UGT1A8: variants seen among roughly 807,000 people sequenced by gnomAD.
The protein encoded by UGT1A8 is UDP-glucuronosyltransferase 1A8.
A neutral mutation model predicts 45.3 loss-of-function variants in UGT1A8; 39 were observed. The observed-to-expected ratio is 0.86, with a 90% confidence interval of 0.67 to 1.12. UGT1A8 has a LOEUF of 1.12. UGT1A8 is among the 50% of genes most tolerant of loss of function. The probability of loss-of-function intolerance (pLI) is 0.00; values close to 1 mark genes in which losing one functional copy is unlikely to be tolerated. For synonymous variants in UGT1A8, 275 were observed against 249.2 expected, an observed-to-expected ratio of 1.10 and a Z score of -0.97; for missense variants, 719 against 664.9, an observed-to-expected ratio of 1.08 and a Z score of -0.90.
intron 1 of UGT1A8, among the ~76,000 whole-genome samples, chr2:233,702,065 TG>T (rs1411404242): frequency 6.6e-6 from 1 of 152,236 alleles, no homozygotes; most frequent in Non-Finnish European, 1.5e-5. Context: ...CTAATTTTAA[TG>T]GTTTTTGGTA....
At chr2:233,764,280 C>T (rs917844974) in intron 1 of UGT1A8, among the ~76,000 whole-genome samples, 5 of 151,996 alleles carry the variant, frequency 3.3e-5, no homozygotes, top group African/African-American at 1.2e-4. Flanking sequence ...TTGGTCATTC[C>T]GGTAACTGTG....
intron 1 of UGT1A8, among the ~76,000 whole-genome samples, chr2:233,752,746 AAAACAAAC>A (rs200752387): frequency 7.9e-5 from 12 of 152,308 alleles, no homozygotes; most frequent in East Asian, 1.9e-4. Context: ...CCCTGTCTCT[AAAACAAAC>A]AAACAAACAA....
intron 1 of UGT1A8, among the ~76,000 whole-genome samples, chr2:233,732,641 C>A (rs1039545438): frequency 3.9e-5 from 6 of 152,094 alleles, no homozygotes; most frequent in African/African-American, 1.4e-4. Context: ...TTTCTGAGAC[C>A]ACTGTTCTGC....
chr2:233,636,244 A>T (rs1274026308), intron 1 of UGT1A8, among the ~76,000 whole-genome samples: 1 of 141,632 alleles, frequency 7.1e-6, no homozygotes. Flanking sequence ...TTGCTGAATA[A>T]TTCTGTTTCT....
At chr2:233,643,955 C>T (rs961910605) in intron 1 of UGT1A8, among the ~76,000 whole-genome samples, 6 of 152,266 alleles carry the variant, frequency 3.9e-5, no homozygotes, top group Admixed American at 3.9e-4. Flanking sequence ...TTTTCCCTCT[C>T]CTCTCCTCAA....
intron 1 of UGT1A8, among the ~76,000 whole-genome samples, chr2:233,632,591 G>A (rs2073210477): frequency 6.6e-6 from 1 of 152,026 alleles, no homozygotes; most frequent in Non-Finnish European, 1.5e-5. Context: ...TATTCTTTTT[G>A]TAGCAATTGT....
chr2:233,724,822 C>G (rs372493213), intron 1 of UGT1A8, among the ~76,000 whole-genome samples: 1 of 136,056 alleles, frequency 7.3e-6, no homozygotes, highest in Admixed American at 7.2e-5. Context: ...GCTGCAATCT[C>G]GGCACTTTGG....
At chr2:233,746,881 A>T (rs1422259027) in intron 1 of UGT1A8, among the ~76,000 whole-genome samples, 1 of 151,740 alleles carries the variant, frequency 6.6e-6, no homozygotes, top group Non-Finnish European at 1.5e-5. Context: ...TGGTTAACAG[A>T]GAAGTAGGAG....
At chr2:233,648,327 G>T (rs563241784) in intron 1 of UGT1A8, 7 of 507,516 alleles carry the variant, frequency 1.4e-5, no homozygotes, top group Middle Eastern at 6.4e-4. Flanking sequence ...CCCTCCTCTC[G>T]GTGGTCTTCG....
At position 233,641,893 on chromosome 2, in the gene UGT1A8, T is replaced by C. The variant is rs540879180; in HGVS notation, c.855+23331T>C. ...GCTGCCAGATGTATTGGAACTCCAT[T>C]GTTTGTTATTTATCTCTTCTCTTGC... On this transcript the variant is annotated intron_variant, in intron 1 of 4. Transcript: ENST00000373450. 4.9e-4 allele frequency among the ~76,000 whole-genome samples: 74 copies of C among 152,188 alleles called. 1 individual carries two copies. The highest frequency in any genetic ancestry group is 3.4e-3 in the Middle Eastern group (1 of 294).
intron 1 of UGT1A8, among the ~76,000 whole-genome samples, chr2:233,622,574 G>T (rs925409147): frequency 1.3e-5 from 2 of 151,922 alleles, no homozygotes; most frequent in Non-Finnish European, 2.9e-5. Flanking sequence ...TTTTGATGGG[G>T]TTGTTTTATT....
intron 1 of UGT1A8, among the ~76,000 whole-genome samples, chr2:233,739,207 A>C (rs1231996785): frequency 6.6e-6 from 1 of 152,240 alleles, no homozygotes; most frequent in African/African-American, 2.4e-5. Context: ...CGTTTGCTGC[A>C]TGGATAGAGT....
At chr2:233,666,697 G>A (rs1173740334) in intron 1 of UGT1A8, among the ~76,000 whole-genome samples, 4 of 151,628 alleles carry the variant, frequency 2.6e-5, no homozygotes, top group Non-Finnish European at 5.9e-5. Context: ...TGTGCACAAT[G>A]TGCAGGTTAG....
rs371244037 is a variant in UGT1A8, at chr2:233,706,612, A to G, written c.856-60422A>G. 1.1e-4 allele frequency among the ~76,000 whole-genome samples: 16 copies of G among 152,262 alleles called. No individual in the cohort carries two copies. The East Asian group carries it at 3.1e-3, about 29-fold the overall frequency. Reference sequence around the variant, plus strand: ...GTGGACCTAAGTATGTGATAAGAAGACTAGAGAAATGAGTGTTTCTACTGT... The same window carrying G: ...GTGGACCTAAGTATGTGATAAGAAGGCTAGAGAAATGAGTGTTTCTACTGT... On this transcript the variant is annotated intron_variant, in intron 1 of 4. Transcript: ENST00000373450.
chr2:233,627,804 T>C (rs1559314115), intron 1 of UGT1A8, among the ~76,000 whole-genome samples: 1 of 152,020 alleles, frequency 6.6e-6, no homozygotes, highest in Non-Finnish European at 1.5e-5. Context: ...GGTTATGTCA[T>C]GATTTCTTTT....
chr2:233,748,097 C>T (rs1693865364), intron 1 of UGT1A8: 9 of 1,612,658 alleles, frequency 5.6e-6, no homozygotes, highest in Admixed American at 1.7e-5. Flanking sequence ...TTCGTGCCTT[C>T]ATCCAATCAA....
chr2:233,760,473 T>TGAC, intron 1 of UGT1A8: 1 of 1,614,230 alleles, frequency 6.2e-7, no homozygotes, highest in Non-Finnish European at 8.5e-7. Context: ...TCCTAGCACC[T>TGAC]GACGCCTCGT....
chr2:233,713,920 T>C (rs1335071739), intron 1 of UGT1A8: 4 of 1,612,180 alleles, frequency 2.5e-6, no homozygotes. Context: ...AAAAATGTAT[T>C]TACTTACAAG....
chr2:233,772,682 G>A lies in UGT1A8; in HGVS notation c.*123G>A, dbSNP rs1700541485. The A allele has an allele frequency of 6.7e-7, 1 of 1,494,640 alleles. No individual in the cohort carries two copies. The allele number at this position is 1,494,640 out of a possible 1,614,324, so 92.6% of individuals were successfully genotyped here. On this transcript the variant is annotated 3_prime_UTR_variant, in exon 5 of 5. Coordinates refer to ENST00000373450, the MANE Select transcript of UGT1A8 (RefSeq NM_019076.5). ...GGAAATACTTTGCATAAATTAATCA[G>A]CCCCAGAGTGCTTTAAAAAATTCTC...
Sources: allele counts gnomAD v4.1 joint callset (sites outside exome capture counted in the v4.1 genomes callset), GRCh38; gene constraint gnomAD v4.1.1; transcripts MANE v1.5; gene names NCBI Gene and HGNC (gene_info 2026-07-23, HGNC 2026-07-21).